CHCHD3: variants seen among roughly 807,000 people sequenced by gnomAD.
The protein encoded by CHCHD3 is coiled-coil-helix-coiled-coil-helix domain containing 3.
A neutral mutation model predicts 38.2 loss-of-function variants in CHCHD3; 20 were observed. The observed-to-expected ratio is 0.52, with a 90% CI of 0.37 to 0.76. The LOEUF is 0.76. CHCHD3 is among the 30% of genes least tolerant of loss of function. CHCHD3 has a pLI of 0.00. For synonymous variants in CHCHD3, 82 were observed against 100.0 expected (o/e 0.82, Z 1.07); for missense variants, 245 against 279.2 (o/e 0.88, Z 0.87).
At chr7:132,916,295 C>T (rs1046077619) in intron 4 of CHCHD3, among the ~76,000 whole-genome samples, 1 of 152,128 alleles carries the variant, frequency 6.6e-6, no homozygotes, top group Non-Finnish European at 1.5e-5. Flanking sequence ...AACTAAATTG[C>T]TCAGTAGGCA....
chr7:132,911,754 T>C (rs1332732682), intron 4 of CHCHD3, among the ~76,000 whole-genome samples: 1 of 152,246 alleles, frequency 6.6e-6, no homozygotes, highest in Non-Finnish European at 1.5e-5. Flanking sequence ...ACCCTTCTTT[T>C]ATCATCTGTC....
intron 6 of CHCHD3, among the ~76,000 whole-genome samples, chr7:132,830,349 C>T (rs1414554404): frequency 6.6e-6 from 1 of 152,136 alleles, no homozygotes; most frequent in East Asian, 1.9e-4. Context: ...TACATATCCC[C>T]GATGAGATAC....
intron 2 of CHCHD3, among the ~76,000 whole-genome samples, chr7:133,026,940 T>C (rs1292854967): frequency 6.6e-6 from 1 of 151,834 alleles, no homozygotes; most frequent in African/African-American, 2.4e-5. Flanking sequence ...TTGAAAATAT[T>C]CTTTTTTTTT....
At position 132,788,765 on chromosome 7, in the gene CHCHD3, AAG is replaced by A. The variant is rs151263999; in HGVS notation, c.661-3107_661-3106del. 3.1e-3 allele frequency among the ~76,000 whole-genome samples: 473 copies of A among 152,336 alleles called. 2 individuals carry two copies. Among genetic ancestry groups the A allele is most frequent in the African/African-American group, 0.011 (443 of 41,584 alleles). ...ACATGTATTAAAATTCTAATCCTCCAAGATAGCACAGTGGTTCAGCTGATTTG... is the reference window on the plus strand; with the variant it reads ...ACATGTATTAAAATTCTAATCCTCCAATAGCACAGTGGTTCAGCTGATTTG... On this transcript the variant is annotated intron_variant, in intron 7 of 7. Transcript: ENST00000262570. This position sits in a 1 kb window ranked among gnomAD's most constrained non-coding sequence, Gnocchi z 4.0.
Position 133,024,963 on chromosome 7 carries a change from T to TG in CHCHD3, c.170-337_170-336insC, listed in dbSNP as rs568630521. Among the ~76,000 whole-genome samples the TG allele has an allele frequency of 3.2e-3, 483 of 152,190 alleles. 3 individuals are homozygous for TG. In the South Asian group the frequency reaches 0.038, roughly 12 times the overall value. On this transcript the variant is annotated intron_variant, in intron 2 of 7. Coordinates refer to ENST00000262570, the MANE Select transcript of CHCHD3 (RefSeq NM_017812.4). ...AACATTAAAGTCTGACAACGGTGTG[T>TG]AAGGAGAGGAGACGCTGTAAGAAAG...
chr7:132,813,179 T>C (rs1807115168), intron 6 of CHCHD3, among the ~76,000 whole-genome samples: 1 of 152,148 alleles, frequency 6.6e-6, no homozygotes, highest in Non-Finnish European at 1.5e-5. Flanking sequence ...GGGTAGCTTC[T>C]CCACTTCTCA....
chr7:132,918,434 A>G (rs1023169467), intron 4 of CHCHD3, among the ~76,000 whole-genome samples: 1 of 152,356 alleles, frequency 6.6e-6, no homozygotes, highest in Middle Eastern at 3.4e-3. Flanking sequence ...TGAAACACTC[A>G]GATACAATCG....
intron 2 of CHCHD3, among the ~76,000 whole-genome samples, chr7:133,067,446 A>G (rs1814702156): frequency 6.6e-6 from 1 of 152,252 alleles, no homozygotes; most frequent in Non-Finnish European, 1.5e-5. Flanking sequence ...AAGTACTTAC[A>G]AAGTTACAAA....
chr7:133,051,159 T>C (rs1814152540), intron 2 of CHCHD3, among the ~76,000 whole-genome samples: 2 of 152,170 alleles, frequency 1.3e-5, no homozygotes, highest in Non-Finnish European at 2.9e-5. Context: ...TAACAACAAT[T>C]ACACCTGCTA....
Position 133,035,595 on chromosome 7 carries a change from G to A in CHCHD3, c.170-10968C>T. On this transcript the variant is annotated intron_variant, in intron 2 of 7. Transcript: ENST00000262570. The surrounding 1 kb of genome is among the most constrained non-coding windows in gnomAD (Gnocchi z 4.7). ...GGTGGGGAACACCCAGGTACTGGCT[G>A]GGGGCACTATATCGGAATCAGCAAA... is the stretch of plus-strand genomic sequence containing the variant. 1 of 1,613,062 alleles carries A rather than the reference G, an allele frequency of 6.2e-7. No homozygotes were observed. The highest frequency in any genetic ancestry group is 1.1e-5 in the South Asian group (1 of 90,994).
intron 4 of CHCHD3, among the ~76,000 whole-genome samples, chr7:132,897,321 A>G (rs772568811): frequency 6.6e-6 from 1 of 152,212 alleles, no homozygotes; most frequent in African/African-American, 2.4e-5. Context: ...CATGGAGACA[A>G]TTACCGCACA....
intron 5 of CHCHD3, among the ~76,000 whole-genome samples, chr7:132,873,583 T>C (rs541212154): frequency 1.3e-5 from 2 of 152,152 alleles, no homozygotes; most frequent in South Asian, 4.2e-4. Flanking sequence ...GATGTTTTAA[T>C]GATGACGTTG....
At chr7:132,827,156 A>G (rs553675704) in intron 6 of CHCHD3, among the ~76,000 whole-genome samples, 1 of 152,320 alleles carries the variant, frequency 6.6e-6, no homozygotes, top group Admixed American at 6.5e-5. Context: ...TTACAGATAG[A>G]AACTGGGAAT....
intron 3 of CHCHD3, among the ~76,000 whole-genome samples, chr7:132,993,633 G>A (rs1812339344): frequency 1.3e-5 from 2 of 152,210 alleles, no homozygotes; most frequent in Admixed American, 1.3e-4. Flanking sequence ...TGGGAGATGA[G>A]GCAGCCTCTG....
chr7:133,012,834 G>A (rs1218951757), intron 3 of CHCHD3, among the ~76,000 whole-genome samples: 5 of 115,272 alleles, frequency 4.3e-5, no homozygotes, highest in Admixed American at 1.8e-4. Flanking sequence ...AGGGAGGGGA[G>A]GAGAAGAGAG....
In CHCHD3 at chr7:133,073,330, C is replaced by A. The variant is rs141568116; in HGVS notation, c.82-3101G>T. ...CTATGTGCCCTTGTACTGGCACTCT[C>A]ATCCAATCTCTTGATTTCTAACTGT... On this transcript the variant is annotated intron_variant, in intron 1 of 7. Coordinates refer to ENST00000262570, the MANE Select transcript of CHCHD3 (RefSeq NM_017812.4). 1.6e-3 allele frequency among the ~76,000 whole-genome samples: 241 copies of A among 152,182 alleles called. 1 individual carries two copies. Among genetic ancestry groups the A allele is most frequent in the South Asian group, 5.4e-3 (26 of 4,808 alleles).
intron 5 of CHCHD3, among the ~76,000 whole-genome samples, chr7:132,883,085 C>T (rs975751398): frequency 6.6e-6 from 1 of 152,148 alleles, no homozygotes; most frequent in Non-Finnish European, 1.5e-5. Flanking sequence ...TCCCTTTCAC[C>T]TTCTGCCGTA....
Position 132,975,185 on chromosome 7 carries a change from G to A in CHCHD3, c.353C>T (p.Ala118Val). ...AATACTCACCAGGTGCTTTGCCTTA[G>A]CGCGTTCCTCCTCGCTACATATCCT... ...RERICSEEER[A>V]KAKHLARQLE... Residue 118 changes from alanine to valine, a missense_variant, in exon 4 of 8, where the codon GCT becomes GTT. Physicochemically the swap from Ala to Val is moderately conservative, Grantham distance 64 (BLOSUM62 0). Coordinates refer to ENST00000262570, the MANE Select transcript of CHCHD3 (RefSeq NM_017812.4). 1 of 1,612,054 alleles carries A rather than the reference G, an allele frequency of 6.2e-7. No individual in the cohort carries two copies.
chr7:132,966,031 A>G (rs1811456211), intron 4 of CHCHD3, among the ~76,000 whole-genome samples: 1 of 152,216 alleles, frequency 6.6e-6, no homozygotes, highest in Non-Finnish European at 1.5e-5. Context: ...TTTTTTCAAA[A>G]TAGCATGGTG....
Sources: allele counts gnomAD v4.1 joint callset (sites outside exome capture counted in the v4.1 genomes callset), GRCh38; gene constraint gnomAD v4.1.1; non-coding constraint Gnocchi (gnomAD v3.1); transcripts MANE v1.5; gene names NCBI Gene and HGNC (gene_info 2026-07-23, HGNC 2026-07-21).